MICU3: variants seen among roughly 807,000 people sequenced by gnomAD.
MICU3 encodes the protein calcium uptake protein 3, mitochondrial.
In MICU3, 62 loss-of-function variants were observed where a neutral mutation model predicts 66.5. That is an observed-to-expected ratio of 0.93 (90% CI 0.76 to 1.15). MICU3 has a LOEUF of 1.15. Among genes scored for constraint, MICU3 ranks in the 50% most tolerant of loss-of-function variants. The probability of loss-of-function intolerance (pLI) is 0.00; values close to 1 mark genes in which losing one functional copy is unlikely to be tolerated. For synonymous variants in MICU3, 308 were observed against 240.7 expected (o/e 1.28, Z -2.59); for missense variants, 779 against 664.4 (o/e 1.17, Z -1.90).
intron 8 of MICU3, among the ~76,000 whole-genome samples, chr8:17,096,056 G>A (rs915817600): frequency 6.6e-6 from 1 of 151,904 alleles, no homozygotes; most frequent in Non-Finnish European, 1.5e-5. Context: ...CTCTTTTAAT[G>A]AAGGTCTACA....
intron 6 of MICU3, 56 bp from the exon 7 acceptor site, chr8:17,086,908 A>C (rs1799531351): frequency 8.7e-7 from 1 of 1,153,236 alleles, no homozygotes; most frequent in Non-Finnish European, 1.3e-6. Flanking sequence ...AGAATAGTAG[A>C]TAGGTGCCCA....
At chr8:17,081,790 C>CA (rs58848674) in intron 5 of MICU3, 50 bp downstream of exon 5, 89,489 of 808,104 alleles carry the variant, frequency 0.11, 7,111 homozygotes, top group East Asian at 0.33. Context: ...ATTTTTTAAA[C>CA]GAATCTTGGA....
At chr8:17,133,900 C>G in the MICU3 span, among the ~76,000 whole-genome samples, 1 of 152,112 alleles carries the variant, frequency 6.6e-6, no homozygotes, top group African/African-American at 2.4e-5. Flanking sequence ...TCTGGCTGTT[C>G]TTGTAACTAC....
chr8:17,128,414 C>G, the MICU3 span, among the ~76,000 whole-genome samples: 1 of 152,118 alleles, frequency 6.6e-6, no homozygotes, highest in Non-Finnish European at 1.5e-5. Context: ...GCAGAAAATG[C>G]ATATGTTGGA....
chr8:17,115,943 T>C (rs1458180557), intron 12 of MICU3, among the ~76,000 whole-genome samples: 2 of 152,204 alleles, frequency 1.3e-5, no homozygotes, highest in African/African-American at 2.4e-5. Flanking sequence ...AGGCTGAAAT[T>C]GTCCTTTTGT....
At chr8:17,127,258 AAGTG>A (rs1461362701), downstream of MICU3, among the ~76,000 whole-genome samples, 4 of 152,194 alleles carry the variant, frequency 2.6e-5, no homozygotes, top group South Asian at 2.1e-4. Flanking sequence ...TTTCTCAAGT[AAGTG>A]AGTATCTTAT....
intron 1 of MICU3, among the ~76,000 whole-genome samples, chr8:17,061,374 G>A (rs1027374107): frequency 7.9e-5 from 12 of 151,698 alleles, no homozygotes; most frequent in East Asian, 1.9e-4. Flanking sequence ...TCTCAGGAGC[G>A]GTAGTGGCAA....
At position 17,105,504 on chromosome 8, in the gene MICU3, C is replaced by T. The variant is rs769530723; in HGVS notation, c.1177C>T (p.His393Tyr). Residue 393 changes from histidine (H) to tyrosine (Y), a missense_variant, in exon 11 of 15, where the codon CAT becomes TAT. Coordinates refer to ENST00000318063, the MANE Select transcript of MICU3 (RefSeq NM_181723.3). ...MNTISEEDFA[H>Y]ILLRYTNVEN... ...TACCATCAGTGAAGAAGATTTTGCT[C>T]ATATTCTTTTACGATATACAAATGT... is the stretch of plus-strand genomic sequence containing the variant. 10 of 1,576,372 alleles carry T rather than the reference C, an allele frequency of 6.3e-6. No homozygotes were observed. The highest frequency in any genetic ancestry group is 8.6e-6 in the Non-Finnish European group (10 of 1,156,266).
At chr8:17,098,372 A>G (rs1354069273) in intron 8 of MICU3, 86 bp from the exon 9 acceptor site, 1 of 909,312 alleles carries the variant, frequency 1.1e-6, no homozygotes, top group Non-Finnish European at 1.8e-6. Flanking sequence ...TTTCCTTTTC[A>G]AGGTTGGTTA....
At chr8:17,057,961 C>A (rs1817206669) in intron 1 of MICU3, among the ~76,000 whole-genome samples, 1 of 152,060 alleles carries the variant, frequency 6.6e-6, no homozygotes, top group South Asian at 2.1e-4. Flanking sequence ...GATTCTCCTG[C>A]CTCAGCTCCC....
intron 2 of MICU3, among the ~76,000 whole-genome samples, chr8:17,067,460 C>T (rs1003353171): frequency 2.0e-5 from 3 of 151,416 alleles, no homozygotes; most frequent in African/African-American, 2.4e-5. Flanking sequence ...AGAGGAGACT[C>T]GCTCTGTCAA....
At chr8:17,079,978 A>C (rs1466237881) in intron 4 of MICU3, among the ~76,000 whole-genome samples, 3 of 152,140 alleles carry the variant, frequency 2.0e-5, no homozygotes, top group Non-Finnish European at 4.4e-5. Flanking sequence ...GCTTTTAAGG[A>C]ACTTCCCTTA....
chr8:17,030,286 C>G (rs575082786), intron 1 of MICU3, among the ~76,000 whole-genome samples: 2 of 152,350 alleles, frequency 1.3e-5, no homozygotes, highest in South Asian at 4.1e-4. Flanking sequence ...GTTTTCCTCA[C>G]ATATCTGTGG....
At position 17,114,176 on chromosome 8, in the gene MICU3, C is replaced by T. The variant is rs1397883127; in HGVS notation, c.1341C>T (p.Asn447=). 2 of 1,609,192 alleles carry T rather than the reference C, an allele frequency of 1.2e-6. No individual in the cohort carries two copies. Among genetic ancestry groups the T allele is most frequent in the Middle Eastern group, 3.3e-4 (2 of 6,018 alleles). ...TTGCAATAGCCCTGAATATGTATAA[C>T]TTTGCAAGTCGTTCTATAGGGCAAG... is the stretch of plus-strand genomic sequence containing the variant. ...EDFAIALNMY[N]FASRSIGQDE... is the part of the protein sequence containing the mutation. Residue 447 remains asparagine (N), a synonymous_variant, in exon 12 of 15, where the codon AAC becomes AAT. Transcript: ENST00000318063.
At chr8:17,043,160 C>T (rs1164360317) in intron 1 of MICU3, among the ~76,000 whole-genome samples, 1 of 151,496 alleles carries the variant, frequency 6.6e-6, no homozygotes, top group African/African-American at 2.4e-5. Flanking sequence ...AGGATGGTCT[C>T]GATCTCCTGA....
chr8:17,124,645 G>T (rs1398898331), downstream of MICU3, among the ~76,000 whole-genome samples: 2 of 151,280 alleles, frequency 1.3e-5, no homozygotes, highest in African/African-American at 4.9e-5. Context: ...TTGGAATAGA[G>T]CATAAACCTC....
At chr8:17,045,799 A>G (rs565926324) in intron 1 of MICU3, among the ~76,000 whole-genome samples, 45 of 152,344 alleles carry the variant, frequency 3.0e-4, no homozygotes, top group Middle Eastern at 3.4e-3. Flanking sequence ...CACATCTTAC[A>G]TGGAGGCAGA....
the MICU3 span, among the ~76,000 whole-genome samples, chr8:17,137,475 A>G: frequency 1.3e-5 from 2 of 151,006 alleles, no homozygotes; most frequent in African/African-American, 4.9e-5. Flanking sequence ...GGAAGAAAAA[A>G]GTTTTATATT....
rs1270578746 is a variant in MICU3 at position 17,027,503 on chromosome 8, G to C, written c.224G>C (p.Gly75Ala). Residue 75 changes from glycine (G) to alanine (A), a missense_variant, in exon 1 of 15, where the codon GGG becomes GCG. Transcript: ENST00000318063. Reference protein sequence around the residue: ...GELSVAAAAGGGLVGLVCYQL... With the variant: ...GELSVAAAAGAGLVGLVCYQL... ...CTGAGCGTGGCGGCGGCGGCCGGCGGGGGGCTGGTCGGCCTGGTATGCTAC... is the reference window on the plus strand; with the variant it reads ...CTGAGCGTGGCGGCGGCGGCCGGCGCGGGGCTGGTCGGCCTGGTATGCTAC... The C allele has an allele frequency of 9.5e-5, 122 of 1,282,986 alleles. No homozygotes were observed. Among genetic ancestry groups the C allele is most frequent in the South Asian group, 1.6e-4 (6 of 36,714 alleles). The allele number at this position is 1,282,986 out of a possible 1,614,324, so 79.5% of individuals were successfully genotyped here. A position where few individuals can be genotyped will look rare whatever the true frequency, so the allele number is the denominator to read the frequency against.
Sources: gnomAD v4.1 joint callset for allele counts (sites outside exome capture counted in the v4.1 genomes callset) on GRCh38, gnomAD v4.1.1 for gene constraint, MANE v1.5 for transcripts, NCBI Gene and HGNC (gene_info 2026-07-23, HGNC 2026-07-21) for gene names.